NT5C3A: variants seen among roughly 807,000 people sequenced by gnomAD.
NT5C3A encodes the protein cytosolic 5'-nucleotidase 3A.
A neutral mutation model predicts 40.0 loss-of-function variants in NT5C3A; 23 were observed. That is an observed-to-expected ratio of 0.58 (90% confidence interval 0.41 to 0.81). The LOEUF (loss-of-function observed/expected upper bound fraction) is 0.81. Among genes scored for constraint, NT5C3A ranks in the 40% least tolerant of loss-of-function variants. The probability of loss-of-function intolerance (pLI) is 0.00; values close to 1 mark genes in which losing one functional copy is unlikely to be tolerated. For missense variants in NT5C3A, 328 were observed against 403.0 expected, an observed-to-expected ratio of 0.81 and a Z score of 1.59; for synonymous variants, 130 against 141.4, an observed-to-expected ratio of 0.92 and a Z score of 0.57.
chr7:33,023,070 T>G lies in NT5C3A; in HGVS notation c.307+969A>C, dbSNP rs575045121. On this transcript the variant is annotated intron_variant, in intron 3 of 8. Coordinates refer to ENST00000610140, the MANE Select transcript of NT5C3A (RefSeq NM_001002010.5). ...AGCTGGGACCACAGGCATGCCACAA[T>G]GCCCAGCTAATTTTTTATTTTTTGT... 2.6e-5 allele frequency among the ~76,000 whole-genome samples: 4 copies of G among 151,872 alleles called. 1 individual carries two copies. The South Asian group carries it at 6.3e-4, about 24-fold the overall frequency.
chr7:33,059,534 T>C (rs1787699548), intron 1 of NT5C3A, among the ~76,000 whole-genome samples: 1 of 152,244 alleles, frequency 6.6e-6, no homozygotes, highest in Non-Finnish European at 1.5e-5. Context: ...CTTTATCTAA[T>C]GATCACAAAT....
At chr7:33,016,874 C>T (rs1302357601) in intron 7 of NT5C3A, among the ~76,000 whole-genome samples, 3 of 152,002 alleles carry the variant, frequency 2.0e-5, no homozygotes, top group Non-Finnish European at 2.9e-5. Flanking sequence ...AAAGTTGCTG[C>T]ATTAAAATAT....
In NT5C3A at chr7:33,017,441, T is replaced by C; in HGVS notation, c.691A>G (p.Thr231Ala). 1 of 1,600,438 alleles carries C rather than the reference T, an allele frequency of 6.2e-7. No homozygotes were observed. The highest frequency in any genetic ancestry group is 8.6e-7 in the Non-Finnish European group (1 of 1,168,126). Reference sequence around the variant, plus strand: ...GAAGAACGATTTGATATTCTTACAGTTTCATCAAAATCCATAAAATTGGAC... The same window carrying C: ...GAAGAACGATTTGATATTCTTACAGCTTCATCAAAATCCATAAAATTGGAC... Reference protein sequence around the residue: ...VVSNFMDFDETGVLKGFKGEL... With the variant: ...VVSNFMDFDEAGVLKGFKGEL... Residue 231 changes from threonine (T) to alanine (A), a missense_variant and splice_region_variant, in exon 7 of 9, where the codon ACT becomes GCT. By Grantham distance (58) the Thr-to-Ala change is moderately conservative. Coordinates refer to ENST00000610140, the MANE Select transcript of NT5C3A (RefSeq NM_001002010.5).
rs751518865 is a variant in NT5C3A, at chr7:33,015,708, C to T, written c.856G>A (p.Val286Ile). The T allele has an allele frequency of 6.2e-7, 1 of 1,610,994 alleles. No homozygotes were observed. The highest frequency in any genetic ancestry group is 8.5e-7 in the Non-Finnish European group (1 of 1,177,472). Residue 286 changes from valine (V) to isoleucine (I), a missense_variant, in exon 8 of 9, where the codon GTT becomes ATT. Transcript: ENST00000610140. ...DLRMADGVAN[V>I]EHILKIGYLN... The stretch of plus-strand genomic sequence containing the variant: ...TATCCAATTTTCAGAATGTGCTCAA[C>T]ATTGGCCACTCCATCTGCCATTCTT...
At chr7:33,035,441 C>T (rs1456237142) in intron 1 of NT5C3A, among the ~76,000 whole-genome samples, 1 of 152,040 alleles carries the variant, frequency 6.6e-6, no homozygotes, top group Non-Finnish European at 1.5e-5. Context: ...GATCCGCCCG[C>T]CTCGGCCTCC....
intron 1 of NT5C3A, among the ~76,000 whole-genome samples, chr7:33,047,996 ATGTGTG>A (rs10582277): frequency 6.6e-6 from 1 of 150,548 alleles, no homozygotes; most frequent in Admixed American, 6.6e-5. Flanking sequence ...TTATATGTGT[ATGTGTG>A]TGTGTGTGTG....
chr7:33,018,000 C>A (rs1002106045), intron 6 of NT5C3A, among the ~76,000 whole-genome samples: 1 of 152,064 alleles, frequency 6.6e-6, no homozygotes, highest in African/African-American at 2.4e-5. Flanking sequence ...GGCAACATAG[C>A]GAGACCCTGT....
intron 3 of NT5C3A, chr7:33,023,779 G>C (rs900667453): frequency 5.5e-5 from 23 of 420,560 alleles, no homozygotes; most frequent in Non-Finnish European, 9.5e-5. Flanking sequence ...AATATTTCTT[G>C]AATAATGAAT....
chr7:33,040,949 C>T, intron 1 of NT5C3A: 1 of 985,384 alleles, frequency 1.0e-6, no homozygotes, highest in South Asian at 4.7e-5. Flanking sequence ...GCACAAGGTG[C>T]AACTGAGGGC....
chr7:33,020,601 G>T (rs768100919), intron 5 of NT5C3A, among the ~76,000 whole-genome samples: 1 of 152,098 alleles, frequency 6.6e-6, no homozygotes, highest in African/African-American at 2.4e-5. Flanking sequence ...CAACTGTTAC[G>T]TAACGGGACA....
At chr7:33,036,701 C>T (rs992368716) in intron 1 of NT5C3A, among the ~76,000 whole-genome samples, 11 of 152,002 alleles carry the variant, frequency 7.2e-5, no homozygotes, top group Non-Finnish European at 8.8e-5. Context: ...TTGCTACTAC[C>T]GAATCAATAT....
At chr7:33,025,814 A>T (rs1785895638) in intron 2 of NT5C3A, among the ~76,000 whole-genome samples, 1 of 152,222 alleles carries the variant, frequency 6.6e-6, no homozygotes, top group African/African-American at 2.4e-5. Context: ...CCTAAAGGAT[A>T]GGCAAAAACT....
intron 1 of NT5C3A, among the ~76,000 whole-genome samples, chr7:33,039,885 T>C (rs1409776709): frequency 6.6e-6 from 1 of 152,148 alleles, no homozygotes; most frequent in Non-Finnish European, 1.5e-5. Flanking sequence ...TCCCAAATGG[T>C]AAAGCAGCTA....
chr7:33,036,995 A>T (rs565654957), intron 1 of NT5C3A, among the ~76,000 whole-genome samples: 18 of 152,208 alleles, frequency 1.2e-4, no homozygotes, highest in African/African-American at 4.3e-4. Flanking sequence ...TATTTTTAGT[A>T]GAGATGGGGT....
intron 1 of NT5C3A, chr7:33,035,832 T>C (rs1300245485): frequency 1.2e-6 from 1 of 869,398 alleles, no homozygotes; most frequent in East Asian, 2.4e-5. Context: ...GAAGAAAGAG[T>C]TGTATAAAAT....
intron 1 of NT5C3A, among the ~76,000 whole-genome samples, chr7:33,035,019 C>G (rs919372437): frequency 1.4e-5 from 1 of 70,216 alleles, no homozygotes; most frequent in African/African-American, 6.6e-5. Context: ...AAAACACTCA[C>G]TAACGTAATA....
chr7:33,039,564 T>TTTTTTTTTG (rs1554292225), intron 1 of NT5C3A, among the ~76,000 whole-genome samples: 9 of 144,058 alleles, frequency 6.2e-5, no homozygotes, highest in African/African-American at 2.1e-4. Flanking sequence ...GGTTTTTTGT[T>TTTTTTTTTG]TTTTTTTTTT....
intron 5 of NT5C3A, among the ~76,000 whole-genome samples, chr7:33,020,624 C>A (rs544026795): frequency 1.3e-5 from 2 of 152,270 alleles, no homozygotes; most frequent in Admixed American, 1.3e-4. Flanking sequence ...AAAGACAAAT[C>A]ATTCCTGGTC....
rs1785779470 is a variant in NT5C3A, at chr7:33,024,036, T to TA, written c.307+2dup. 16 of 1,499,818 alleles carry TA rather than the reference T, an allele frequency of 1.1e-5. No homozygotes were observed. The highest frequency in any genetic ancestry group is 1.5e-5 in the Non-Finnish European group (16 of 1,076,806). The allele number at this position is 1,499,818 out of a possible 1,614,324, so 92.9% of individuals were successfully genotyped here. On this transcript the variant is annotated splice_region_variant and intron_variant, in intron 3 of 8. Transcript: ENST00000610140. The stretch of plus-strand genomic sequence containing the variant: ...TGAATTTGTTTACAAATATCACACT[T>TA]ACTATGACATGTTGGGCATCTTTTC...
Sources: allele counts gnomAD v4.1 joint callset (sites outside exome capture counted in the v4.1 genomes callset), GRCh38; gene constraint gnomAD v4.1.1; transcripts MANE v1.5; gene names NCBI Gene and HGNC (gene_info 2026-07-23, HGNC 2026-07-21).